ANKRD26: variants seen among roughly 807,000 people sequenced by gnomAD.
ANKRD26 encodes the protein ankyrin repeat domain 26.
Under a neutral mutation model 208.7 loss-of-function variants are expected in ANKRD26, and 141 were observed. The ratio of observed to expected loss-of-function variants is 0.68; its 90% confidence interval spans 0.59 to 0.78. The LOEUF is 0.78. Among genes scored for constraint, ANKRD26 ranks in the 30% least tolerant of loss-of-function variants. The pLI is 0.00. For synonymous variants in ANKRD26, 636 were observed against 660.4 expected (o/e 0.96, Z 0.57); for missense variants, 1,889 against 1,938.7 (o/e 0.97, Z 0.48).
chr10:27,011,312 G>A (rs1436308502), intron 32 of ANKRD26, among the ~76,000 whole-genome samples: 3 of 151,968 alleles, frequency 2.0e-5, no homozygotes, highest in Admixed American at 6.6e-5. Flanking sequence ...GCTGGAGTGC[G>A]GCTGCTATTC....
intron 9 of ANKRD26, among the ~76,000 whole-genome samples, chr10:27,067,990 C>G (rs778567111): frequency 3.3e-5 from 5 of 152,046 alleles, no homozygotes; most frequent in Non-Finnish European, 5.9e-5. Context: ...AGTTCTACAA[C>G]CGAGGTGAAT....
the ANKRD26 span, among the ~76,000 whole-genome samples, chr10:26,951,693 T>G: frequency 6.6e-6 from 1 of 152,236 alleles, no homozygotes; most frequent in Non-Finnish European, 1.5e-5. Flanking sequence ...TTTATCTTAG[T>G]GGTTTTGCTG....
In ANKRD26 at chr10:27,012,953, T is replaced by C. The variant is rs1414502500; in HGVS notation, c.4882A>G (p.Arg1628Gly). 1.9e-6 allele frequency: 3 copies of C among 1,614,152 alleles called. No individual in the cohort carries two copies. The highest frequency in any genetic ancestry group is 2.7e-5 in the African/African-American group (2 of 75,054). Residue 1628 changes from arginine to glycine, a missense_variant, in exon 32 of 34, where the codon AGA becomes GGA. Arg to Gly is a moderately radical substitution (Grantham distance 125, BLOSUM62 -2). Coordinates refer to ENST00000376087, the MANE Select transcript of ANKRD26 (RefSeq NM_014915.3). Reference protein sequence around the residue: ...SLDLNRKLIPRENLVISTSNP... With the variant: ...SLDLNRKLIPGENLVISTSNP... Reference sequence around the variant, plus strand: ...GAGGTAGAGATCACTAAGTTTTCTCTTGGAATAAGTTTTCTGTTGAGATCT... The same window carrying C: ...GAGGTAGAGATCACTAAGTTTTCTCCTGGAATAAGTTTTCTGTTGAGATCT...
chr10:27,085,491 A>T (rs1268551004), intron 5 of ANKRD26, among the ~76,000 whole-genome samples: 1 of 152,216 alleles, frequency 6.6e-6, no homozygotes, highest in Non-Finnish European at 1.5e-5. Context: ...TTTTGTTGGT[A>T]TAAGAATAAG....
chr10:26,992,659 C>T (rs1156532354), intron 5 of ANKRD26, among the ~76,000 whole-genome samples: 1 of 152,110 alleles, frequency 6.6e-6, no homozygotes, highest in African/African-American at 2.4e-5. Context: ...GACTTACTTG[C>T]AAGAATATAC....
At chr10:26,963,313 G>T in the ANKRD26 span, among the ~76,000 whole-genome samples, 2,734 of 152,124 alleles carry the variant, frequency 0.018, 81 homozygotes, top group African/African-American at 0.06. Flanking sequence ...CCTGCAAACT[G>T]ACCTAGGCAA....
intron 32 of ANKRD26, among the ~76,000 whole-genome samples, chr10:27,012,220 T>C (rs2134888496): frequency 6.6e-6 from 1 of 152,286 alleles, no homozygotes; most frequent in Admixed American, 6.5e-5. Context: ...CTCAAATCCA[T>C]TAGAAGGAAA....
At chr10:27,067,847 T>A (rs2055321807) in intron 9 of ANKRD26, among the ~76,000 whole-genome samples, 5 of 152,220 alleles carry the variant, frequency 3.3e-5, no homozygotes, top group Admixed American at 2.6e-4. Context: ...TAAGCACTTA[T>A]GTGTCTATCA....
At chr10:26,996,203 T>C (rs1218044967) in intron 4 of ANKRD26, among the ~76,000 whole-genome samples, 2 of 151,984 alleles carry the variant, frequency 1.3e-5, no homozygotes, top group Non-Finnish European at 2.9e-5. Context: ...TCCCAGCACT[T>C]TGGGAGATCA....
At chr10:27,077,866 T>C (rs2055757211) in intron 7 of ANKRD26, among the ~76,000 whole-genome samples, 173 bp from the exon 8 acceptor site, 1 of 152,172 alleles carries the variant, frequency 6.6e-6, no homozygotes, top group Non-Finnish European at 1.5e-5. Flanking sequence ...CATCTTCTCA[T>C]GGGGTAAGGA....
chr10:26,958,092 T>TA, the ANKRD26 span, among the ~76,000 whole-genome samples: 315 of 150,112 alleles, frequency 2.1e-3, 1 homozygote, highest in Admixed American at 3.5e-3. Flanking sequence ...TATATATATA[T>TA]TTATTTTTGA....
chr10:27,068,796 A>G (rs2055363613), intron 9 of ANKRD26, among the ~76,000 whole-genome samples: 1 of 152,056 alleles, frequency 6.6e-6, no homozygotes. Flanking sequence ...CAGGACAAAA[A>G]TAGAGAAGAT....
chr10:27,053,176 C>G (rs143140896), intron 16 of ANKRD26, 144 bp downstream of exon 16: 2 of 598,228 alleles, frequency 3.3e-6, no homozygotes, highest in East Asian at 2.9e-5. Flanking sequence ...TTTAACTAGT[C>G]AAAACGTTTT....
intron 25 of ANKRD26, 27 bp from the exon 26 acceptor site, chr10:27,029,383 C>G (rs757551198): frequency 6.3e-7 from 1 of 1,599,014 alleles, no homozygotes. Flanking sequence ...AAAAAACCCA[C>G]TTTACTAATA....
the ANKRD26 span, among the ~76,000 whole-genome samples, chr10:26,957,006 T>C: frequency 6.6e-6 from 1 of 152,240 alleles, no homozygotes; most frequent in Non-Finnish European, 1.5e-5. Context: ...TTGAGAATAC[T>C]GGAGCAGCAA....
At chr10:26,995,242 G>C in intron 4 of ANKRD26, 2 of 464,846 alleles carry the variant, frequency 4.3e-6, no homozygotes, top group Admixed American at 2.4e-5. Context: ...CTATTGACAG[G>C]TGTTGAGTTA....
chr10:27,002,092 G>T (rs1325701849), downstream of ANKRD26, among the ~76,000 whole-genome samples: 1 of 152,100 alleles, frequency 6.6e-6, no homozygotes, highest in Non-Finnish European at 1.5e-5. Flanking sequence ...CAGCACCTGA[G>T]GCAGAAGCAT....
chr10:27,079,796 T>C (rs1419210871), intron 6 of ANKRD26, among the ~76,000 whole-genome samples: 1 of 152,090 alleles, frequency 6.6e-6, no homozygotes, highest in Non-Finnish European at 1.5e-5. Context: ...GAGATTGCAG[T>C]GAGCCGAGAT....
intron 24 of ANKRD26, among the ~76,000 whole-genome samples, chr10:27,033,934 T>C (rs1589250526): frequency 6.6e-6 from 1 of 152,306 alleles, no homozygotes; most frequent in South Asian, 2.1e-4. Context: ...TTGCTGCCTG[T>C]GCATCCTGCC....
Sources: gnomAD v4.1 joint callset for allele counts (sites outside exome capture counted in the v4.1 genomes callset) on GRCh38, gnomAD v4.1.1 for gene constraint, MANE v1.5 for transcripts, NCBI Gene and HGNC (gene_info 2026-07-23, HGNC 2026-07-21) for gene names.